Variants in BFSP1 observed in about 807,000 individuals in gnomAD.
BFSP1 encodes filensin.
In BFSP1, 38 loss-of-function variants were observed where a neutral mutation model predicts 43.9. That is an observed-to-expected ratio of 0.87 (90% CI 0.67 to 1.14). The LOEUF (loss-of-function observed/expected upper bound fraction) is 1.14, where lower values mean the gene tolerates loss of function less well. Among genes scored for constraint, BFSP1 ranks in the 50% most tolerant of loss-of-function variants. The pLI, the probability that BFSP1 is intolerant of heterozygous loss-of-function variation, is 0.00. For synonymous variants in BFSP1, 352 were observed against 354.8 expected (o/e 0.99, Z 0.09); for missense variants, 850 against 875.1 (o/e 0.97, Z 0.36).
At chr20:17,555,644 C>A (rs1046909370) in intron 1 of BFSP1, among the ~76,000 whole-genome samples, 10 of 152,048 alleles carry the variant, frequency 6.6e-5, no homozygotes, top group Non-Finnish European at 1.2e-4. Flanking sequence ...CAGAATGAGA[C>A]CCTGTCTCAA....
In BFSP1 at chr20:17,547,240, T is replaced by G. The variant is rs74952740; in HGVS notation, c.2+11448A>C. ...ATAAATATATATATGAGGGAGGAAG[T>G]CTGTCCCATTCCTATTGTACCTCAA... On this transcript the variant is annotated intron_variant, in intron 1 of 7. Transcript: ENST00000377868. 9.2e-5 allele frequency among the ~76,000 whole-genome samples: 14 copies of G among 151,538 alleles called. No individual in the cohort carries two copies. The East Asian group carries it at 2.7e-3, about 29-fold the overall frequency.
chr20:17,563,776 C>G (rs867878509), upstream of BFSP1, among the ~76,000 whole-genome samples: 47 of 150,608 alleles, frequency 3.1e-4, no homozygotes, highest in Middle Eastern at 3.4e-3. Flanking sequence ...GTCCTAGCTA[C>G]TTGACAGGCT....
At chr20:17,553,586 G>A (rs1610318) in intron 1 of BFSP1, among the ~76,000 whole-genome samples, 96,875 of 151,166 alleles carry the variant, frequency 0.64, 31,436 homozygotes, top group East Asian at 0.95. Context: ...CAAATATACA[G>A]TGTGTCAGTT....
At chr20:17,509,724 A>G (rs1323326353) in intron 4 of BFSP1, among the ~76,000 whole-genome samples, 5 of 152,196 alleles carry the variant, frequency 3.3e-5, no homozygotes, top group Non-Finnish European at 7.3e-5. Flanking sequence ...AGCGCAGCAC[A>G]AAGCAGGAGC....
At chr20:17,532,905 A>T (rs1415708208), upstream of BFSP1, among the ~76,000 whole-genome samples, 1 of 152,188 alleles carries the variant, frequency 6.6e-6, no homozygotes, top group African/African-American at 2.4e-5. Flanking sequence ...TAGTTATCAA[A>T]GATAGAGAAA....
upstream of BFSP1, among the ~76,000 whole-genome samples, chr20:17,532,358 T>A (rs1218387220): frequency 7.1e-6 from 1 of 140,404 alleles, no homozygotes; most frequent in African/African-American, 2.8e-5. Context: ...TGAGCCGAGA[T>A]CGCCCCACTG....
chr20:17,512,099 A>C, intron 3 of BFSP1, 31 bp from the exon 4 acceptor site: 1 of 1,547,720 alleles, frequency 6.5e-7, no homozygotes, highest in South Asian at 1.1e-5. Context: ...TTCTCATTAT[A>C]AGTTGAGCTG....
chr20:17,558,396 C>T (rs549645428), intron 1 of BFSP1, among the ~76,000 whole-genome samples: 9 of 152,154 alleles, frequency 5.9e-5, no homozygotes, highest in Non-Finnish European at 1.3e-4. Context: ...AGAATCCAGG[C>T]CTTGCGTGCT....
At chr20:17,528,576 G>A (rs999244162) in intron 1 of BFSP1, among the ~76,000 whole-genome samples, 4 of 152,180 alleles carry the variant, frequency 2.6e-5, no homozygotes, top group African/African-American at 4.8e-5. Flanking sequence ...GTCCAAGAAC[G>A]GATTATCTCA....
rs1014226495 is a variant in BFSP1, at chr20:17,507,553, A to G, written c.735+1336T>C. On this transcript the variant is annotated intron_variant, in intron 5 of 7. Coordinates refer to ENST00000377873, the MANE Select transcript of BFSP1 (RefSeq NM_001195.5). The surrounding 1 kb of genome is among the most constrained non-coding windows in gnomAD (Gnocchi z 4.4). ...GGCTTGTATCCACGTCCCTATTCAC[A>G]TACACAGCACACACACATACACATG... Among the ~76,000 whole-genome samples the G allele has an allele frequency of 1.3e-5, 2 of 151,996 alleles. No homozygotes were observed. Among genetic ancestry groups the G allele is most frequent in the African/African-American group, 4.8e-5 (2 of 41,360 alleles).
rs755188734 is a variant in BFSP1 at position 17,495,009 on chromosome 20, C to T, written c.1063G>A (p.Asp355Asn). The part of the protein sequence containing the change: ...GGKDLTRALQ[D>N]ITAAKPRQKA... ...TGTCTTGGTTTTGCTGCTGTTATAT[C>T]CTGCAGAGCTCTGGTAAGATCTGGA... The change falls in exon 8 of 8, where the codon GAT (aspartate) becomes AAT (asparagine). Residue 355 changes from aspartate (D) to asparagine (N), a missense_variant. By Grantham distance (23) the Asp-to-Asn change is conservative. Coordinates refer to ENST00000377873, the MANE Select transcript of BFSP1 (RefSeq NM_001195.5). 8.1e-6 allele frequency: 13 copies of T among 1,612,344 alleles called. No homozygotes were observed. The Admixed American group carries it at 1.3e-4, about 17-fold the overall frequency.
intron 2 of BFSP1, chr20:17,516,861 AC>A: frequency 1.6e-6 from 1 of 641,810 alleles, no homozygotes. Context: ...TTTTGTGAAA[AC>A]CCTCACAGGG....
At chr20:17,554,576 AC>A (rs1463042542) in intron 1 of BFSP1, among the ~76,000 whole-genome samples, 3 of 152,226 alleles carry the variant, frequency 2.0e-5, no homozygotes, top group African/African-American at 7.2e-5. Context: ...GAAAAGTCTT[AC>A]AAAAATAAGA....
chr20:17,499,403 CTTTT>C (rs34583097), intron 5 of BFSP1, among the ~76,000 whole-genome samples: 3 of 82,098 alleles, frequency 3.7e-5, no homozygotes, highest in Admixed American at 1.5e-4. Flanking sequence ...ACATGCTGGG[CTTTT>C]TTTTTTTTTT....
chr20:17,548,180 C>CAAAAAAAAAAAAAAAAAAAAAA (rs11470598), intron 1 of BFSP1, among the ~76,000 whole-genome samples: 2 of 119,840 alleles, frequency 1.7e-5, no homozygotes, highest in African/African-American at 6.3e-5. Context: ...GAAAATAATG[C>CAAAAAAAAAAAAAAAAAAAAAA]AAAAAAAAAA....
intron 3 of BFSP1, among the ~76,000 whole-genome samples, chr20:17,512,443 A>T (rs886664801): frequency 6.6e-6 from 1 of 152,088 alleles, no homozygotes; most frequent in African/African-American, 2.4e-5. Context: ...CTCACCAGAC[A>T]TGGTGGCTCA....
intron 7 of BFSP1, among the ~76,000 whole-genome samples, chr20:17,496,431 T>C (rs1356064845): frequency 1.3e-5 from 2 of 152,186 alleles, no homozygotes. Context: ...AGCCAAGCTG[T>C]TTCTGCCTGG....
intron 1 of BFSP1, among the ~76,000 whole-genome samples, chr20:17,547,296 C>A (rs1026981542): frequency 4.6e-5 from 7 of 152,050 alleles, no homozygotes; most frequent in Non-Finnish European, 8.8e-5. Context: ...CCTTCTTATT[C>A]TTAAGGAGAC....
At chr20:17,504,695 C>T (rs1053907993) in intron 5 of BFSP1, among the ~76,000 whole-genome samples, 2 of 152,330 alleles carry the variant, frequency 1.3e-5, no homozygotes, top group Admixed American at 1.3e-4. Flanking sequence ...GTTCCTCCAA[C>T]GGTGGGGCCA....
Sources: allele counts gnomAD v4.1 joint callset (sites outside exome capture counted in the v4.1 genomes callset), GRCh38; gene constraint gnomAD v4.1.1; non-coding constraint Gnocchi (gnomAD v3.1); transcripts MANE v1.5; gene names NCBI Gene and HGNC (gene_info 2026-07-23, HGNC 2026-07-21).